SFXN2: variants seen among roughly 807,000 people sequenced by gnomAD.
SFXN2 encodes the protein sideroflexin-2.
SFXN2 carries 37 observed loss-of-function variants against 41.9 expected under a neutral mutation model. The ratio of observed to expected loss-of-function variants is 0.88; its 90% confidence interval spans 0.68 to 1.16. SFXN2 has a LOEUF of 1.16. Among genes scored for constraint, SFXN2 ranks in the 50% most tolerant of loss-of-function variants. SFXN2 has a pLI of 0.00. For synonymous variants in SFXN2, 150 were observed against 156.7 expected, an observed-to-expected ratio of 0.96 and a Z score of 0.32; for missense variants, 386 against 425.2, an observed-to-expected ratio of 0.91 and a Z score of 0.81.
chr10:102,733,953 C>G (rs191197522), intron 10 of SFXN2, among the ~76,000 whole-genome samples: 10 of 152,028 alleles, frequency 6.6e-5, no homozygotes, highest in African/African-American at 2.2e-4. Flanking sequence ...AATGGCGCAG[C>G]CTCAGCTCGC....
At chr10:102,733,528 T>C in intron 9 of SFXN2, 26 bp from the exon 10 acceptor site, 1 of 1,600,832 alleles carries the variant, frequency 6.2e-7, no homozygotes, top group Non-Finnish European at 8.6e-7. Context: ...ACCATGTGGA[T>C]CTGTCTTTTA....
rs1234550590 is a variant in SFXN2, at chr10:102,730,255, T to C, written c.593+447T>C. Among the ~76,000 whole-genome samples, 5 of 152,198 alleles carry C rather than the reference T, an allele frequency of 3.3e-5. No individual in the cohort carries two copies. The East Asian group carries it at 9.6e-4, about 29-fold the overall frequency. On this transcript the variant is annotated intron_variant, in intron 6 of 11. Transcript: ENST00000369893. Reference sequence around the variant, plus strand: ...GACAGAAGTTTTCCAGGCACCCAACTCTAAGCTTTTCAGGAGAAAAGGTAA... The same window carrying C: ...GACAGAAGTTTTCCAGGCACCCAACCCTAAGCTTTTCAGGAGAAAAGGTAA...
intron 1 of SFXN2, among the ~76,000 whole-genome samples, chr10:102,719,599 T>C (rs2064477172): frequency 6.6e-6 from 1 of 152,216 alleles, no homozygotes; most frequent in Admixed American, 6.5e-5. Context: ...CTGTGTGTTC[T>C]CACTGGAAAA....
At position 102,734,425 on chromosome 10, in the gene SFXN2, A is replaced by G. The variant is rs1449720998; in HGVS notation, c.821+822A>G. ...ACTGAACCCAGTGTTTCATATCTAT[A>G]ATTTCACTTAATTCTCCCAGCCTTA... On this transcript the variant is annotated intron_variant, in intron 10 of 11. Coordinates refer to ENST00000369893, the MANE Select transcript of SFXN2 (RefSeq NM_178858.6). The surrounding 1 kb of genome is among the most constrained non-coding windows in gnomAD (Gnocchi z 4.1). Among the ~76,000 whole-genome samples the G allele has an allele frequency of 6.6e-6, 1 of 152,132 alleles. No homozygotes were observed. The highest frequency in any genetic ancestry group is 2.4e-5 in the African/African-American group (1 of 41,404).
At position 102,741,726 on chromosome 10, in the gene SFXN2, A is replaced by T. The variant is rs1176983429; in HGVS notation, c.*3964A>T. ...CACCTGGGGTTTCTTAGTGATGATG[A>T]AACCTAGCCTTTATGTGGAAGACTT... On this transcript the variant is annotated 3_prime_UTR_variant, in exon 12 of 12. Coordinates refer to ENST00000369893, the MANE Select transcript of SFXN2 (RefSeq NM_178858.6). 2 of 152,354 alleles carry T rather than the reference A, an allele frequency of 1.3e-5. No individual in the cohort carries two copies. Among genetic ancestry groups the T allele is most frequent in the African/African-American group, 4.8e-5 (2 of 41,590 alleles). 9.4% of individuals were successfully genotyped at this position (152,354 alleles called of 1,614,324 possible).
intron 6 of SFXN2, among the ~76,000 whole-genome samples, chr10:102,730,942 G>A (rs1590151008): frequency 6.6e-6 from 1 of 152,250 alleles, no homozygotes; most frequent in East Asian, 1.9e-4. Context: ...CAAAAAATTA[G>A]CCAGGTATGG....
chr10:102,723,702 A>G (rs927746443), intron 1 of SFXN2, among the ~76,000 whole-genome samples: 5 of 152,228 alleles, frequency 3.3e-5, no homozygotes, highest in African/African-American at 1.2e-4. Context: ...GAAGACCAAC[A>G]TTCCCACACC....
At chr10:102,716,048 G>A (rs2064406577) in intron 1 of SFXN2, among the ~76,000 whole-genome samples, 1 of 152,070 alleles carries the variant, frequency 6.6e-6, no homozygotes, top group Non-Finnish European at 1.5e-5. Context: ...GAATGGAGGT[G>A]ATACAGGAGC....
intron 6 of SFXN2, among the ~76,000 whole-genome samples, chr10:102,730,776 C>A (rs1226646022): frequency 6.6e-6 from 1 of 152,030 alleles, no homozygotes; most frequent in Non-Finnish European, 1.5e-5. Flanking sequence ...CATGGCAAAA[C>A]CCCATCTCTA....
At position 102,729,352 on chromosome 10, in the gene SFXN2, C is replaced by T. The variant is rs2064663936; in HGVS notation, c.465C>T (p.Thr155=). Residue 155 remains threonine (T), a synonymous_variant, in exon 5 of 12, where the codon ACC becomes ACT. Coordinates refer to ENST00000369893, the MANE Select transcript of SFXN2 (RefSeq NM_178858.6). Reference sequence around the variant, plus strand: ...CCCTTTCCTACTTCACAGCCACAACCACTGCTGTGGCCACGGCTGTGGGCA... The same window carrying T: ...CCCTTTCCTACTTCACAGCCACAACTACTGCTGTGGCCACGGCTGTGGGCA... ...QMALSYFTAT[T]TAVATAVGMN... 6.2e-7 allele frequency: 1 copy of T among 1,614,194 alleles called. No individual in the cohort carries two copies. Among genetic ancestry groups the T allele is most frequent in the Non-Finnish European group, 8.5e-7 (1 of 1,180,026 alleles).
intron 1 of SFXN2, among the ~76,000 whole-genome samples, chr10:102,717,420 G>A (rs1307618879): frequency 2.0e-5 from 3 of 152,150 alleles, no homozygotes; most frequent in Non-Finnish European, 4.4e-5. Flanking sequence ...GAGCCACTGC[G>A]CCCGGCCTCA....
At chr10:102,720,291 CAAAAA>C (rs56006729) in intron 1 of SFXN2, among the ~76,000 whole-genome samples, 1 of 48,786 alleles carries the variant, frequency 2.0e-5, no homozygotes. Flanking sequence ...GACTCCCTCT[CAAAAA>C]AAAAAAAAAA....
intron 4 of SFXN2, among the ~76,000 whole-genome samples, chr10:102,728,754 G>A (rs1385533973): frequency 6.6e-6 from 1 of 152,126 alleles, no homozygotes; most frequent in Non-Finnish European, 1.5e-5. Context: ...ATTTCTTCTT[G>A]AGTGTGTCTT....
intron 11 of SFXN2, among the ~76,000 whole-genome samples, chr10:102,736,776 C>A (rs2064786147): frequency 6.6e-6 from 1 of 151,534 alleles, no homozygotes; most frequent in Non-Finnish European, 1.5e-5. Context: ...GTCTTGAAAT[C>A]CTGACCTCAG....
intron 4 of SFXN2, 80 bp from the exon 5 acceptor site, chr10:102,729,239 G>A: frequency 7.1e-7 from 1 of 1,404,654 alleles, no homozygotes; most frequent in Admixed American, 1.7e-5. Context: ...AGCCTCGCCA[G>A]CCGACTTTCT....
At chr10:102,731,868 A>G in intron 7 of SFXN2, 85 bp downstream of exon 7, 2 of 1,261,736 alleles carry the variant, frequency 1.6e-6, no homozygotes, top group Non-Finnish European at 2.3e-6. Context: ...GTAGGCACCA[A>G]TATAGGATTG....
At chr10:102,737,602 C>A in intron 11 of SFXN2, 61 bp from the exon 12 acceptor site, 1 of 1,088,836 alleles carries the variant, frequency 9.2e-7, no homozygotes, top group Non-Finnish European at 1.4e-6. Context: ...TGATATTCAT[C>A]TGAGGGTAAC....
intron 11 of SFXN2, among the ~76,000 whole-genome samples, chr10:102,737,036 C>T (rs1206336197): frequency 1.3e-5 from 2 of 152,032 alleles, no homozygotes; most frequent in Non-Finnish European, 2.9e-5. Context: ...TGCCTGTAAT[C>T]CCAGCTACTT....
At chr10:102,716,799 C>T (rs1355973087) in intron 1 of SFXN2, 1 of 151,980 alleles carries the variant, frequency 6.6e-6, no homozygotes, top group Non-Finnish European at 1.5e-5. Flanking sequence ...GAACTCTCAA[C>T]CTCAGGTGAT....
Sources: allele counts gnomAD v4.1 joint callset (sites outside exome capture counted in the v4.1 genomes callset), GRCh38; gene constraint gnomAD v4.1.1; non-coding constraint Gnocchi (gnomAD v3.1); transcripts MANE v1.5; gene names NCBI Gene and HGNC (gene_info 2026-07-23, HGNC 2026-07-21).